The following OVCH1 variants were observed in gnomAD, a reference collection of about 807,000 sequenced individuals.
The protein encoded by OVCH1 is ovochymase-1.
A neutral mutation model predicts 138.4 loss-of-function variants in OVCH1; 139 were observed. The observed-to-expected ratio is 1.00, with a 90% CI of 0.87 to 1.16. OVCH1 has a LOEUF of 1.16. Ranked by LOEUF, OVCH1 falls within the 50% of genes most tolerant of loss-of-function variation. OVCH1 has a pLI of 0.00. For missense variants in OVCH1, 1,367 were observed against 1,357.9 expected, an observed-to-expected ratio of 1.01 and a Z score of -0.11; for synonymous variants, 453 against 467.8, an observed-to-expected ratio of 0.97 and a Z score of 0.41.
At chr12:29,485,317 TAAAAAA>T (rs869216306) in intron 8 of OVCH1, among the ~76,000 whole-genome samples, 3 of 89,854 alleles carry the variant, frequency 3.3e-5, no homozygotes, top group African/African-American at 4.5e-5. Context: ...ACCCAGTCTT[TAAAAAA>T]AAAAAAAAAA....
intron 6 of OVCH1, among the ~76,000 whole-genome samples, chr12:29,489,271 A>T (rs1455211661): frequency 6.6e-6 from 1 of 152,216 alleles, no homozygotes; most frequent in Non-Finnish European, 1.5e-5. Context: ...AGGAAAAAAA[A>T]TCCACAATGC....
chr12:29,423,434 A>C (rs1941132348), downstream of OVCH1: 1 of 376,788 alleles, frequency 2.7e-6, no homozygotes, highest in South Asian at 2.0e-5. Context: ...TACAAGATCA[A>C]GATTTGTAGG....
At chr12:29,487,979 G>A (rs1943160677) in intron 6 of OVCH1, 97 bp from the exon 7 acceptor site, 2 of 1,223,892 alleles carry the variant, frequency 1.6e-6, no homozygotes, top group South Asian at 3.3e-5. Context: ...AAAGTGAAAA[G>A]AGGTAGAGGC....
At chr12:29,451,279 C>A in intron 22 of OVCH1, 66 bp downstream of exon 22, 1 of 1,323,464 alleles carries the variant, frequency 7.6e-7, no homozygotes, top group Non-Finnish European at 1.1e-6. Context: ...AGACTCATTC[C>A]TGATCATAAG....
At chr12:29,407,985 A>G (rs1421071705), downstream of OVCH1, among the ~76,000 whole-genome samples, 1 of 141,916 alleles carries the variant, frequency 7.0e-6, no homozygotes, top group African/African-American at 2.5e-5. Flanking sequence ...TATTTCCTTG[A>G]GCAGTGGTTT....
chr12:29,424,788 A>T (rs1255870486), downstream of OVCH1, among the ~76,000 whole-genome samples: 1 of 152,234 alleles, frequency 6.6e-6, no homozygotes, highest in Non-Finnish European at 1.5e-5. Context: ...CAGTATTCTC[A>T]TCTGCAAAAT....
downstream of OVCH1, chr12:29,426,041 T>G (rs1419159776): frequency 6.6e-6 from 1 of 152,196 alleles, no homozygotes; most frequent in African/African-American, 2.4e-5. Context: ...AGTAAAGAAC[T>G]TGTGAGACTC....
chr12:29,450,833 G>A (rs1453360267), intron 22 of OVCH1, among the ~76,000 whole-genome samples: 2 of 151,798 alleles, frequency 1.3e-5, no homozygotes, highest in African/African-American at 4.9e-5. Context: ...ATACTATACA[G>A]CCATAAAAAA....
At chr12:29,481,746 G>T (rs992734014) in intron 8 of OVCH1, among the ~76,000 whole-genome samples, 7 of 152,112 alleles carry the variant, frequency 4.6e-5, no homozygotes, top group African/African-American at 1.7e-4. Flanking sequence ...AAAACAAAGT[G>T]CCTCTCTTGA....
chr12:29,497,642 G>A (rs760703069), exon 1 of OVCH1: 6 of 1,613,924 alleles, frequency 3.7e-6, no homozygotes, highest in East Asian at 2.2e-5. Flanking sequence ...TGGGGTGGCC[G>A]ATGACCAGCA....
chr12:29,427,536 C>T, downstream of OVCH1: 1 of 1,550,128 alleles, frequency 6.5e-7, no homozygotes, highest in Non-Finnish European at 8.7e-7. Flanking sequence ...GAGGCCTCTT[C>T]CTCCATGTGA....
chr12:29,473,163 C>T, intron 14 of OVCH1, 60 bp from the exon 15 acceptor site: 3 of 1,183,310 alleles, frequency 2.5e-6, no homozygotes, highest in Admixed American at 4.0e-5. Flanking sequence ...ACTGACCCCA[C>T]TTGCTTACCC....
chr12:29,429,762 G>A (rs1037089349), intron 27 of OVCH1, among the ~76,000 whole-genome samples: 2 of 152,088 alleles, frequency 1.3e-5, no homozygotes, highest in African/African-American at 4.8e-5. Context: ...ATCCAATACT[G>A]GACATCCTTG....
chr12:29,485,755 G>T (rs1028976113), intron 8 of OVCH1, among the ~76,000 whole-genome samples: 1 of 151,602 alleles, frequency 6.6e-6, no homozygotes, highest in African/African-American at 2.4e-5. Context: ...CAGCCTGGGG[G>T]ACACAGCATG....
At chr12:29,485,808 T>A (rs1441590069) in intron 8 of OVCH1, among the ~76,000 whole-genome samples, 1 of 149,342 alleles carries the variant, frequency 6.7e-6, no homozygotes, top group East Asian at 2.0e-4. Flanking sequence ...CTGGGTGTGG[T>A]GGGGGGTGCC....
At chr12:29,481,070 T>C (rs568699540) in intron 8 of OVCH1, among the ~76,000 whole-genome samples, 115 of 152,058 alleles carry the variant, frequency 7.6e-4, no homozygotes, top group African/African-American at 2.7e-3. Context: ...AGTGCCGAAT[T>C]TTCTGCTTGA....
chr12:29,476,755 G>GCGCACACACACA (rs1264497944), intron 12 of OVCH1, among the ~76,000 whole-genome samples: 4 of 103,342 alleles, frequency 3.9e-5, no homozygotes, highest in African/African-American at 1.5e-4. Flanking sequence ...ACACACGCGC[G>GCGCACACACACA]CACACACACA....
chr12:29,464,375 G>T, intron 18 of OVCH1, 132 bp downstream of exon 18: 2 of 1,039,422 alleles, frequency 1.9e-6, no homozygotes, highest in Non-Finnish European at 2.9e-6. Context: ...ATCTGTTACA[G>T]CTAAATAAAA....
At chr12:29,445,297 A>G in exon 23 of OVCH1, 1 of 1,611,654 alleles carries the variant, frequency 6.2e-7, no homozygotes, top group Non-Finnish European at 8.5e-7. Flanking sequence ...TCAAGACAAT[A>G]TAGCTTATAC....
Sources: gnomAD v4.1 joint callset for allele counts (sites outside exome capture counted in the v4.1 genomes callset) on GRCh38, gnomAD v4.1.1 for gene constraint, MANE v1.5 for transcripts, NCBI Gene and HGNC (gene_info 2026-07-23, HGNC 2026-07-21) for gene names.